COL5A2: variants seen among roughly 807,000 people sequenced by gnomAD.
COL5A2 encodes the protein collagen type V alpha 2 chain.
COL5A2 carries 23 observed loss-of-function variants against 208.2 expected under a neutral mutation model. That is an observed-to-expected ratio of 0.11 (90% CI 0.08 to 0.16). The LOEUF (loss-of-function observed/expected upper bound fraction) is 0.16. COL5A2 is among the 10% of genes least tolerant of loss of function. The pLI, the probability that COL5A2 is intolerant of heterozygous loss-of-function variation, is 1.00. For missense variants in COL5A2, 1,590 were observed against 1,956.4 expected (o/e 0.81, Z 3.53); for synonymous variants, 625 against 628.5 (o/e 0.99, Z 0.08).
At chr2:189,220,260 A>T (rs1689332299) in intron 1 of COL5A2, among the ~76,000 whole-genome samples, 1 of 152,198 alleles carries the variant, frequency 6.6e-6, no homozygotes, top group Admixed American at 6.5e-5. Context: ...GTGTGTTAAC[A>T]TCTTATCAGA....
the COL5A2 span, among the ~76,000 whole-genome samples, chr2:189,366,848 G>A: frequency 6.6e-5 from 10 of 152,254 alleles, no homozygotes; most frequent in East Asian, 5.8e-4. Context: ...AGGTTTGTGC[G>A]TCTTCCCAAT....
upstream of COL5A2, among the ~76,000 whole-genome samples, chr2:189,180,535 T>C (rs1688764838): frequency 6.6e-6 from 1 of 152,172 alleles, no homozygotes; most frequent in Non-Finnish European, 1.5e-5. Flanking sequence ...TGCTTCTGCC[T>C]TTTGTGAGTG....
the COL5A2 span, among the ~76,000 whole-genome samples, chr2:189,233,161 T>C: frequency 6.6e-6 from 1 of 151,690 alleles, no homozygotes; most frequent in Admixed American, 6.6e-5. Context: ...TCAATACATA[T>C]GGTCATTATA....
the COL5A2 span, among the ~76,000 whole-genome samples, chr2:189,310,980 A>C: frequency 2.0e-5 from 3 of 152,142 alleles, no homozygotes; most frequent in South Asian, 6.2e-4. Flanking sequence ...GTACAAAAAA[A>C]AATTAGTTAG....
intron 1 of COL5A2, among the ~76,000 whole-genome samples, chr2:189,137,019 C>T (rs1326822690): frequency 6.6e-6 from 1 of 152,012 alleles, no homozygotes; most frequent in Admixed American, 6.6e-5. Flanking sequence ...ATCTAAATTC[C>T]ATCTCTTTAG....
chr2:189,274,240 C>A, the COL5A2 span, among the ~76,000 whole-genome samples: 22 of 152,194 alleles, frequency 1.4e-4, no homozygotes, highest in South Asian at 4.1e-4. Flanking sequence ...ATCTACTCAG[C>A]CTAACTCTGG....
chr2:189,174,137 TA>T (rs1334738326), intron 1 of COL5A2, among the ~76,000 whole-genome samples: 3 of 152,216 alleles, frequency 2.0e-5, no homozygotes, highest in Admixed American at 1.3e-4. Context: ...TCCAGCTTCT[TA>T]AAACAAAGCT....
upstream of COL5A2, among the ~76,000 whole-genome samples, chr2:189,227,813 A>T (rs1031437814): frequency 6.6e-6 from 1 of 152,048 alleles, no homozygotes; most frequent in African/African-American, 2.4e-5. Context: ...CAGACAGAAG[A>T]TTAATAAAGA....
In COL5A2 at chr2:189,193,054, C is replaced by A. The variant is rs550176373; in HGVS notation, c.-42+32094G>T. On this transcript the variant is annotated intron_variant, in intron 1 of 10. Coordinates refer to the COL5A2 transcript ENST00000649966. Reference sequence around the variant, plus strand: ...TTCTACCTTCTGCCATGGGATGACACAGCAAGAAGGCCCCTGCCAGATGCT... The same window carrying A: ...TTCTACCTTCTGCCATGGGATGACAAAGCAAGAAGGCCCCTGCCAGATGCT... 6.2e-4 allele frequency among the ~76,000 whole-genome samples: 95 copies of A among 152,362 alleles called. 5 individuals carry two copies. In the South Asian group the frequency reaches 0.02, roughly 32 times the overall value.
At chr2:189,391,181 T>G in the COL5A2 span, among the ~76,000 whole-genome samples, 3 of 152,080 alleles carry the variant, frequency 2.0e-5, no homozygotes, top group Non-Finnish European at 4.4e-5. Context: ...GACCCCAAAT[T>G]TGGCTGGGTC....
chr2:189,068,272 TA>T lies in COL5A2; in HGVS notation c.1258-3del, dbSNP rs776676631. The T allele has an allele frequency of 6.2e-7, 1 of 1,610,948 alleles. No homozygotes were observed. The highest frequency in any genetic ancestry group is 1.3e-5 in the African/African-American group (1 of 74,958). On this transcript the variant is annotated splice_polypyrimidine_tract_variant and splice_region_variant and intron_variant, in intron 19 of 53. Transcript: ENST00000374866. ...AGTACCATCAGTTCCTATTGCACCC[TA>T]AAAGGTACATTAAAAGTATGTAATG...
chr2:189,375,129 G>C, the COL5A2 span, among the ~76,000 whole-genome samples: 2 of 151,382 alleles, frequency 1.3e-5, no homozygotes, highest in Admixed American at 6.6e-5. Context: ...TGATTCTCCT[G>C]CCTCAGCCTC....
the COL5A2 span, among the ~76,000 whole-genome samples, chr2:189,362,531 A>T: frequency 0.036 from 5,538 of 152,214 alleles, 118 homozygotes; most frequent in Admixed American, 0.05. Context: ...GATGATTAAC[A>T]ACTTGTCTTA....
the COL5A2 span, among the ~76,000 whole-genome samples, chr2:189,273,868 T>C: frequency 6.6e-6 from 1 of 152,124 alleles, no homozygotes; most frequent in African/African-American, 2.4e-5. Context: ...ATTGGGAAGA[T>C]GTTGGTGAAA....
the COL5A2 span, among the ~76,000 whole-genome samples, chr2:189,305,827 A>C: frequency 3.9e-5 from 6 of 152,242 alleles, no homozygotes; most frequent in East Asian, 5.8e-4. Flanking sequence ...AAAAAAAAAA[A>C]AAAAACTAGA....
At chr2:189,039,604 T>C (rs745470911) in intron 50 of COL5A2, 41 bp from the exon 51 acceptor site, 39 of 1,590,652 alleles carry the variant, frequency 2.5e-5, no homozygotes, top group Non-Finnish European at 3.3e-5. Context: ...ACACATTGTT[T>C]TTGTTTTACT....
At chr2:189,382,592 G>A in the COL5A2 span, among the ~76,000 whole-genome samples, 1 of 152,138 alleles carries the variant, frequency 6.6e-6, no homozygotes, top group African/African-American at 2.4e-5. Context: ...CTATTCAGCT[G>A]TTACGCACGT....
At chr2:189,072,499 C>T (rs567765350) in intron 17 of COL5A2, among the ~76,000 whole-genome samples, 6 of 152,198 alleles carry the variant, frequency 3.9e-5, no homozygotes, top group East Asian at 1.9e-4. Context: ...AGGCCAGGCA[C>T]GGTGGCTCAT....
chr2:189,051,580 C>G, intron 41 of COL5A2, 99 bp from the exon 42 acceptor site: 1 of 1,074,266 alleles, frequency 9.3e-7, no homozygotes, highest in Non-Finnish European at 1.3e-6. Context: ...ATGTCCAAGC[C>G]TCGCAGGTTC....
Sources: allele counts gnomAD v4.1 joint callset (sites outside exome capture counted in the v4.1 genomes callset), GRCh38; gene constraint gnomAD v4.1.1; transcripts MANE v1.5; gene names NCBI Gene and HGNC (gene_info 2026-07-23, HGNC 2026-07-21).